GKAP1: variants seen among roughly 807,000 people sequenced by gnomAD.
GKAP1 encodes G kinase-anchoring protein 1.
A neutral mutation model predicts 56.7 loss-of-function variants in GKAP1; 31 were observed. That is an observed-to-expected ratio of 0.55 (90% CI 0.41 to 0.74). The LOEUF (loss-of-function observed/expected upper bound fraction) is 0.74. GKAP1 is among the 30% of genes least tolerant of loss of function. GKAP1 has a pLI of 0.00. For synonymous variants in GKAP1, 151 were observed against 138.6 expected (o/e 1.09, Z -0.63); for missense variants, 364 against 402.3 (o/e 0.90, Z 0.82).
chr9:83,793,420 T>G (rs1944195140), intron 4 of GKAP1, among the ~76,000 whole-genome samples: 1 of 152,228 alleles, frequency 6.6e-6, no homozygotes, highest in African/African-American at 2.4e-5. Context: ...CCCAGAAATC[T>G]TACAGTAGTC....
rs559275664 is a variant in GKAP1 at position 83,817,718 on chromosome 9, G to C, written c.-377C>G. 4 of 152,370 alleles carry C rather than the reference G, an allele frequency of 2.6e-5. No individual in the cohort carries two copies. In the East Asian group the frequency reaches 5.9e-4, roughly 22 times the overall value. The allele number at this position is 152,370 out of a possible 1,614,324, so 9.4% of individuals were successfully genotyped here. A position where few individuals can be genotyped will look rare whatever the true frequency, so the allele number is the denominator to read the frequency against. ...TAACGGGTCCCGGGGCGCCGGGGCG[G>C]ACCGCGGAGGTGAGCGCGGCTGCAG... is the stretch of plus-strand genomic sequence containing the variant. On this transcript the variant is annotated 5_prime_UTR_variant, in exon 1 of 13. Transcript: ENST00000376371.
Position 83,742,045 on chromosome 9 carries a change from CAAT to C in GKAP1, c.976-19_976-17del, listed in dbSNP as rs1228010507. 2.6e-6 allele frequency: 4 copies of C among 1,550,000 alleles called. No homozygotes were observed. In the African/African-American group the frequency reaches 5.5e-5, roughly 21 times the overall value. ...GTGAAGTCACCTATAACCAAATATT[CAAT>C]AAGAAAAAGAATTTTTGGGGTTTTT... On this transcript the variant is annotated splice_polypyrimidine_tract_variant and intron_variant, in intron 11 of 12. Coordinates refer to ENST00000376371, the MANE Select transcript of GKAP1 (RefSeq NM_025211.4).
chr9:83,794,794 GATTT>G (rs1288885338), intron 4 of GKAP1, among the ~76,000 whole-genome samples: 1 of 152,184 alleles, frequency 6.6e-6, no homozygotes, highest in East Asian at 1.9e-4. Context: ...TCTACACAGA[GATTT>G]ATTCCTAGGC....
intron 7 of GKAP1, 39 bp downstream of exon 7, chr9:83,780,343 C>T (rs373163192): frequency 9.4e-6 from 11 of 1,167,346 alleles, no homozygotes; most frequent in South Asian, 1.5e-5. Flanking sequence ...TTCTTAAAAT[C>T]ATCAGTGTTT....
chr9:83,780,464 GT>G (rs1943952065), intron 6 of GKAP1, 60 bp from the exon 7 acceptor site: 4 of 172,822 alleles, frequency 2.3e-5, no homozygotes, highest in South Asian at 1.4e-4. Context: ...ATACAAAAAT[GT>G]AAAAAAAAAA....
At chr9:83,815,131 C>T (rs1944564348) in intron 2 of GKAP1, among the ~76,000 whole-genome samples, 1 of 152,130 alleles carries the variant, frequency 6.6e-6, no homozygotes, top group Non-Finnish European at 1.5e-5. Flanking sequence ...AAGACTGCGC[C>T]ACCACATTCC....
At chr9:83,789,639 A>G (rs1219437679) in intron 4 of GKAP1, among the ~76,000 whole-genome samples, 1 of 152,190 alleles carries the variant, frequency 6.6e-6, no homozygotes, top group African/African-American at 2.4e-5. Context: ...CAGTCGCATA[A>G]TTCTGTACAC....
chr9:83,814,066 T>G (rs1457018660), intron 2 of GKAP1, among the ~76,000 whole-genome samples: 1 of 151,702 alleles, frequency 6.6e-6, no homozygotes, highest in Admixed American at 6.6e-5. Context: ...GCCACTGCAC[T>G]ACACCTTGGG....
chr9:83,755,800 T>C (rs1480562191), intron 8 of GKAP1, among the ~76,000 whole-genome samples: 1 of 125,874 alleles, frequency 7.9e-6, no homozygotes, highest in Non-Finnish European at 1.6e-5. Flanking sequence ...AAACTGGTAC[T>C]TTTTTTTTTT....
chr9:83,769,053 T>C (rs1158301787), intron 7 of GKAP1, 83 bp from the exon 8 acceptor site: 1 of 1,064,608 alleles, frequency 9.4e-7, no homozygotes, highest in African/African-American at 1.6e-5. Flanking sequence ...CAAGAAGGGA[T>C]ATGCATTTAG....
At chr9:83,812,331 G>GTA (rs982435264) in intron 2 of GKAP1, among the ~76,000 whole-genome samples, 7 of 144,986 alleles carry the variant, frequency 4.8e-5, no homozygotes, top group South Asian at 2.1e-4. Flanking sequence ...ATATACACAC[G>GTA]TATATATATA....
chr9:83,790,137 G>C (rs1278067330), intron 4 of GKAP1, among the ~76,000 whole-genome samples: 1 of 151,900 alleles, frequency 6.6e-6, no homozygotes, highest in Non-Finnish European at 1.5e-5. Flanking sequence ...ACAATAAAAA[G>C]AGAGGAAAAA....
At chr9:83,793,000 T>A (rs1166694922) in intron 4 of GKAP1, 1 of 1,279,568 alleles carries the variant, frequency 7.8e-7, no homozygotes, top group Non-Finnish European at 1.0e-6. Context: ...GACTTCCTCA[T>A]TGCCTCCTAC....
chr9:83,805,483 A>T (rs569670927), intron 3 of GKAP1, among the ~76,000 whole-genome samples: 44 of 152,270 alleles, frequency 2.9e-4, no homozygotes, highest in East Asian at 1.2e-3. Flanking sequence ...AAAAAATAAA[A>T]AAAAAACCAT....
chr9:83,811,906 T>A (rs898428431), intron 2 of GKAP1, among the ~76,000 whole-genome samples: 4 of 151,570 alleles, frequency 2.6e-5, no homozygotes, highest in African/African-American at 7.3e-5. Flanking sequence ...AGCCAACATA[T>A]CAACACATCA....
intron 4 of GKAP1, among the ~76,000 whole-genome samples, chr9:83,795,559 C>G (rs1472195211): frequency 6.9e-6 from 1 of 145,758 alleles, no homozygotes; most frequent in East Asian, 2.0e-4. Flanking sequence ...GTGGTATACT[C>G]TCTCAGTTAT....
At chr9:83,804,629 G>T (rs1587739847) in intron 3 of GKAP1, among the ~76,000 whole-genome samples, 1 of 136,920 alleles carries the variant, frequency 7.3e-6, no homozygotes, top group African/African-American at 2.8e-5. Context: ...GGTGGGGGGG[G>T]TCAGCCCCCC....
intron 9 of GKAP1, among the ~76,000 whole-genome samples, chr9:83,749,675 G>A (rs1015119050): frequency 2.0e-5 from 3 of 152,074 alleles, no homozygotes; most frequent in African/African-American, 4.8e-5. Flanking sequence ...ATGTATAGAA[G>A]TTACCAGATT....
chr9:83,795,096 C>T (rs1162701589), intron 4 of GKAP1, among the ~76,000 whole-genome samples: 2 of 137,594 alleles, frequency 1.5e-5, no homozygotes, highest in African/African-American at 5.5e-5. Context: ...GCGGAGGTCA[C>T]AGTGAGCCGA....
Sources: gnomAD v4.1 joint callset for allele counts (sites outside exome capture counted in the v4.1 genomes callset) on GRCh38, gnomAD v4.1.1 for gene constraint, MANE v1.5 for transcripts, NCBI Gene and HGNC (gene_info 2026-07-23, HGNC 2026-07-21) for gene names.